Variants in CDH17 observed in about 807,000 individuals in gnomAD.
CDH17 encodes the protein cadherin 17.
Under a neutral mutation model 86.3 loss-of-function variants are expected in CDH17, and 67 were observed. The observed-to-expected ratio is 0.78, with a 90% CI of 0.64 to 0.95. The LOEUF (loss-of-function observed/expected upper bound fraction) is 0.95, where lower values mean the gene tolerates loss of function less well. Among genes scored for constraint, CDH17 ranks in the 40% least tolerant of loss-of-function variants. CDH17 has a pLI of 0.00. For missense variants in CDH17, 993 were observed against 1,017.6 expected (o/e 0.98, Z 0.33); for synonymous variants, 367 against 366.4 (o/e 1.00, Z -0.02).
chr8:94,137,263 A>T (rs1483761146), intron 15 of CDH17, among the ~76,000 whole-genome samples: 1 of 152,184 alleles, frequency 6.6e-6, no homozygotes, highest in Non-Finnish European at 1.5e-5. Flanking sequence ...GAGTCTATAG[A>T]GGCAGTAGGC....
intron 10 of CDH17, among the ~76,000 whole-genome samples, chr8:94,164,495 T>C (rs1813117293): frequency 6.6e-6 from 1 of 152,212 alleles, no homozygotes. Flanking sequence ...GAAGGTTTAT[T>C]ATACTTACAT....
chr8:94,169,345 A>G (rs988611431), intron 9 of CDH17, among the ~76,000 whole-genome samples: 10 of 152,236 alleles, frequency 6.6e-5, no homozygotes, highest in Admixed American at 5.2e-4. Context: ...AACAGAGAGG[A>G]CCTGCACAGA....
intron 13 of CDH17, among the ~76,000 whole-genome samples, chr8:94,150,792 G>A (rs984785729): frequency 3.9e-5 from 6 of 152,104 alleles, no homozygotes; most frequent in African/African-American, 1.4e-4. Flanking sequence ...GAAGAAGATA[G>A]GAACTTTTGT....
chr8:94,185,276 T>TACACACACACACAC (rs71277462), intron 3 of CDH17, among the ~76,000 whole-genome samples: 6 of 136,760 alleles, frequency 4.4e-5, no homozygotes, highest in African/African-American at 1.3e-4. Flanking sequence ...CCTACCCCAA[T>TACACACACACACAC]ACACACACAC....
chr8:94,159,166 GAA>G (rs978838108), intron 12 of CDH17, among the ~76,000 whole-genome samples: 5 of 152,146 alleles, frequency 3.3e-5, no homozygotes, highest in African/African-American at 1.2e-4. Flanking sequence ...CAGCCACAGA[GAA>G]AAGAGTCAAG....
chr8:94,189,670 A>C (rs1389571750), intron 2 of CDH17, among the ~76,000 whole-genome samples: 2 of 152,196 alleles, frequency 1.3e-5, no homozygotes, highest in East Asian at 3.9e-4. Flanking sequence ...TTTTTACTCC[A>C]GCTTCATAAA....
chr8:94,191,561 C>T (rs1354013305), intron 2 of CDH17, among the ~76,000 whole-genome samples: 7 of 151,266 alleles, frequency 4.6e-5, no homozygotes, highest in Admixed American at 3.3e-4. Flanking sequence ...AAGCGATTCG[C>T]CTGCCTCAGC....
upstream of CDH17, among the ~76,000 whole-genome samples, chr8:94,213,237 G>A (rs1473923486): frequency 1.3e-5 from 2 of 152,196 alleles, no homozygotes; most frequent in Admixed American, 1.3e-4. Flanking sequence ...CTCCCAAAGT[G>A]CTGGTATTAC....
intron 5 of CDH17, among the ~76,000 whole-genome samples, chr8:94,176,139 A>T (rs1283498688): frequency 6.6e-6 from 1 of 152,092 alleles, no homozygotes; most frequent in Non-Finnish European, 1.5e-5. Context: ...CTCCTGGCTG[A>T]AGTGATCCTC....
intron 1 of CDH17, among the ~76,000 whole-genome samples, chr8:94,215,811 C>A (rs575169361): frequency 1.3e-5 from 2 of 151,274 alleles, no homozygotes; most frequent in African/African-American, 4.9e-5. Context: ...GTTCTATTAT[C>A]GGAAATGTCT....
In CDH17 at chr8:94,127,728, A is replaced by G. The variant is rs1812329131; in HGVS notation, c.*512T>C. 6.5e-6 allele frequency: 1 copy of G among 153,116 alleles called. No individual in the cohort carries two copies. The highest frequency in any genetic ancestry group is 1.5e-5 in the Non-Finnish European group (1 of 68,722). 9.5% of individuals were successfully genotyped at this position (153,116 alleles called of 1,614,324 possible). A position where few individuals can be genotyped will look rare whatever the true frequency, so the allele number is the denominator to read the frequency against. ...ATGAGTCTGTCTTGCCCCAAAAGGG[A>G]AAAACACAAGTAGCTAAGCCATTTG... On this transcript the variant is annotated 3_prime_UTR_variant, in exon 18 of 18. Transcript: ENST00000027335.
At chr8:94,149,443 A>G (rs1168374713) in intron 13 of CDH17, among the ~76,000 whole-genome samples, 1 of 152,222 alleles carries the variant, frequency 6.6e-6, no homozygotes, top group African/African-American at 2.4e-5. Context: ...AGTGAGATAG[A>G]CAGATAAACA....
In CDH17 at chr8:94,204,481, CT is replaced by C. The variant is rs532547549; in HGVS notation, c.-21+4001del. ...TCCCTGAAAAGGACATGAAATCATT[CT>C]TTTTTATGGCTGCATAGTATTCCAT... On this transcript the variant is annotated intron_variant, in intron 1 of 17. Transcript: ENST00000027335. Among the ~76,000 whole-genome samples, 265 of 152,230 alleles carry C rather than the reference CT, an allele frequency of 1.7e-3. 1 individual carries two copies. The highest frequency in any genetic ancestry group is 6.1e-3 in the African/African-American group (255 of 41,522).
At chr8:94,207,420 G>A (rs2129661001) in intron 1 of CDH17, among the ~76,000 whole-genome samples, 1 of 152,196 alleles carries the variant, frequency 6.6e-6, no homozygotes, top group South Asian at 2.1e-4. Context: ...AGTCTCTAGT[G>A]GCAGCTCTCT....
At chr8:94,158,457 G>A (rs531393722) in intron 12 of CDH17, among the ~76,000 whole-genome samples, 108 of 152,090 alleles carry the variant, frequency 7.1e-4, no homozygotes, top group African/African-American at 2.6e-3. Context: ...TATGACATAC[G>A]GGCCTTGTTC....
chr8:94,206,361 C>T (rs1343924204), intron 1 of CDH17, among the ~76,000 whole-genome samples: 2 of 152,202 alleles, frequency 1.3e-5, no homozygotes, highest in African/African-American at 2.4e-5. Context: ...CGAGCAGTTA[C>T]AGAACAACTA....
chr8:94,174,758 T>A (rs1042754646), intron 5 of CDH17, among the ~76,000 whole-genome samples: 1 of 152,180 alleles, frequency 6.6e-6, no homozygotes, highest in Non-Finnish European at 1.5e-5. Flanking sequence ...AACTAGCACA[T>A]GGCAAGAGAA....
chr8:94,191,599 C>T (rs1035813680), intron 2 of CDH17, among the ~76,000 whole-genome samples: 1 of 55,892 alleles, frequency 1.8e-5, no homozygotes, highest in Admixed American at 1.4e-4. Flanking sequence ...TTACAGGCAC[C>T]CCCCCACCAT....
At chr8:94,170,004 C>A (rs915710342) in intron 9 of CDH17, among the ~76,000 whole-genome samples, 1 of 152,022 alleles carries the variant, frequency 6.6e-6, no homozygotes, top group Non-Finnish European at 1.5e-5. Flanking sequence ...TGTTTAAATT[C>A]TTTGGCAAAT....
Sources: gnomAD v4.1 joint callset for allele counts (sites outside exome capture counted in the v4.1 genomes callset) on GRCh38, gnomAD v4.1.1 for gene constraint, MANE v1.5 for transcripts, NCBI Gene and HGNC (gene_info 2026-07-23, HGNC 2026-07-21) for gene names.